The following HUWE1 variants were observed in gnomAD, a reference collection of about 807,000 sequenced individuals.
The protein encoded by HUWE1 is E3 ubiquitin-protein ligase HUWE1.
HUWE1 carries 18 observed loss-of-function variants against 299.4 expected under a neutral mutation model. The ratio of observed to expected loss-of-function variants is 0.06; its 90% CI spans 0.04 to 0.09. The LOEUF (loss-of-function observed/expected upper bound fraction) is 0.09, where lower values mean the gene tolerates loss of function less well. HUWE1 is among the 10% of genes least tolerant of loss of function. The probability of loss-of-function intolerance (pLI) is 1.00; values close to 1 mark genes in which losing one functional copy is unlikely to be tolerated. For synonymous variants in HUWE1, 1,317 were observed against 1,286.1 expected (o/e 1.02, Z -0.51); for missense variants, 1,832 against 3,462.3 (o/e 0.53, Z 11.82).
chrX:53,617,691 T>C (rs1203080132), intron 19 of HUWE1, among the ~76,000 whole-genome samples: 1 of 111,637 alleles, frequency 9.0e-6, no homozygotes, highest in Non-Finnish European at 1.9e-5. Flanking sequence ...CTGTTTTATA[T>C]ATTTTGCTTT....
At chrX:53,592,255 A>G in intron 33 of HUWE1, 143 bp downstream of exon 33, 2 of 510,007 alleles carry the variant, frequency 3.9e-6, no homozygotes, top group Non-Finnish European at 6.9e-6. Context: ...AAAAAAATAA[A>G]TACTAAGAGA....
At position 53,550,187 on chromosome X, in the gene HUWE1, T is replaced by C. The variant is rs182785957; in HGVS notation, c.9488+479A>G. Among the ~76,000 whole-genome samples, 30 of 111,673 alleles carry C rather than the reference T, an allele frequency of 2.7e-4. 1 individual carries two copies. The highest frequency in any genetic ancestry group is 8.5e-4 in the African/African-American group (26 of 30,751). On this transcript the variant is annotated intron_variant, in intron 66 of 83. Transcript: ENST00000262854. ...TCCATCGACTGGTAAAATCTGACCA[T>C]ACCTAAGTCTAGGAGACAATGCTAG... is the stretch of plus-strand genomic sequence containing the variant.
chrX:53,561,935 A>T lies in HUWE1; in HGVS notation c.7339-11T>A. ...ACCTTCATCATCCTCCTTAAGGGAA[A>T]ATAGGAGATGGAGAATTGCTGGAGG... On this transcript the variant is annotated splice_polypyrimidine_tract_variant and intron_variant, in intron 54 of 83. Transcript: ENST00000262854. The T allele has an allele frequency of 8.3e-7, 1 of 1,211,413 alleles. No individual in the cohort carries two copies. The highest frequency in any genetic ancestry group is 1.1e-6 in the Non-Finnish European group (1 of 895,349).
chrX:53,606,354 G>C (rs1391680344), intron 25 of HUWE1, among the ~76,000 whole-genome samples: 2 of 112,285 alleles, frequency 1.8e-5, no homozygotes, highest in East Asian at 5.5e-4. Context: ...ACAAGCACAT[G>C]AAAAGATGTT....
At chrX:53,649,063 C>T (rs2068281615) in intron 4 of HUWE1, among the ~76,000 whole-genome samples, 1 of 111,894 alleles carries the variant, frequency 8.9e-6, no homozygotes, top group Non-Finnish European at 1.9e-5. Context: ...TACACTTGTT[C>T]TTTAACTCCA....
chrX:53,673,966 T>C (rs2069684454), intron 3 of HUWE1, among the ~76,000 whole-genome samples: 1 of 111,537 alleles, frequency 9.0e-6, no homozygotes, highest in Non-Finnish European at 1.9e-5. Flanking sequence ...TGTACTCTCT[T>C]GCAACTTGCC....
At chrX:53,631,896 T>C (rs1224890153) in intron 9 of HUWE1, 2 of 367,139 alleles carry the variant, frequency 5.4e-6, no homozygotes, top group Non-Finnish European at 9.5e-6. Context: ...AACCCTCCAC[T>C]GACTTAATAT....
intron 49 of HUWE1, among the ~76,000 whole-genome samples, chrX:53,566,133 G>GTGTCTATATATA (rs782815282): frequency 2.6e-5 from 1 of 38,989 alleles, no homozygotes; most frequent in Non-Finnish European, 4.7e-5. Context: ...GTGTGTGTGT[G>GTGTCTATATATA]TATATATATA....
intron 38 of HUWE1, 98 bp downstream of exon 38, chrX:53,586,684 C>T: frequency 9.1e-7 from 1 of 1,102,921 alleles, no homozygotes; most frequent in Non-Finnish European, 1.2e-6. Context: ...ACAGAAGTAC[C>T]ACAAATTTGC....
chrX:53,540,193 C>G (rs1420085705), intron 74 of HUWE1, among the ~76,000 whole-genome samples: 1 of 112,007 alleles, frequency 8.9e-6, no homozygotes, highest in African/African-American at 3.2e-5. Context: ...CCAGTTTACA[C>G]AGGATGTTTT....
intron 71 of HUWE1, 63 bp from the exon 72 acceptor site, chrX:53,544,825 G>A (rs1329397627): frequency 2.0e-6 from 2 of 1,005,951 alleles, no homozygotes; most frequent in Non-Finnish European, 2.8e-6. Flanking sequence ...CCCAAAGCAA[G>A]CAAGGCTTCC....
At chrX:53,601,689 G>A (rs2148618192) in intron 28 of HUWE1, among the ~76,000 whole-genome samples, 1 of 103,819 alleles carries the variant, frequency 9.6e-6, no homozygotes, top group East Asian at 3.0e-4. Flanking sequence ...TTTTCCTGAG[G>A]CGGTGTTTCG....
At chrX:53,625,032 T>C (rs941575443) in intron 18 of HUWE1, 125 bp downstream of exon 18, 1 of 516,296 alleles carries the variant, frequency 1.9e-6, no homozygotes. Context: ...CTAAAAGCTA[T>C]TGAAAATGGC....
At chrX:53,639,927 GGTTAATATTT>G (rs1344033107) in intron 7 of HUWE1, among the ~76,000 whole-genome samples, 1 of 112,485 alleles carries the variant, frequency 8.9e-6, no homozygotes, top group Non-Finnish European at 1.9e-5. Flanking sequence ...CACAGAAACA[GGTTAATATTT>G]GTTGGCAAAA....
intron 5 of HUWE1, 94 bp downstream of exon 5, chrX:53,648,118 C>T (rs1455923685): frequency 1.2e-5 from 7 of 586,540 alleles, no homozygotes; most frequent in Admixed American, 2.4e-5. Context: ...CTGAATGAGG[C>T]TATCCCATTG....
At chrX:53,668,034 T>A (rs945006458) in intron 3 of HUWE1, among the ~76,000 whole-genome samples, 2 of 111,304 alleles carry the variant, frequency 1.8e-5, no homozygotes, top group African/African-American at 6.5e-5. Flanking sequence ...TACTGTCAAA[T>A]ACAATAAAGA....
intron 12 of HUWE1, among the ~76,000 whole-genome samples, chrX:53,630,305 C>T (rs1356336752): frequency 8.9e-6 from 1 of 111,925 alleles, no homozygotes; most frequent in East Asian, 2.8e-4. Context: ...TCAATAATAA[C>T]AGCAATGGTT....
chrX:53,572,163 T>G (rs1556952210), intron 47 of HUWE1, among the ~76,000 whole-genome samples: 9 of 111,636 alleles, frequency 8.1e-5, no homozygotes, highest in Non-Finnish European at 5.6e-5. Flanking sequence ...ATGAATCAAG[T>G]ATGTTAAGCA....
chrX:53,568,993 A>G, intron 48 of HUWE1, 119 bp from the exon 49 acceptor site: 3 of 586,414 alleles, frequency 5.1e-6, no homozygotes, highest in Non-Finnish European at 8.3e-6. Flanking sequence ...TGGAAATAAC[A>G]TCTAAACAAA....
Sources: gnomAD v4.1 joint callset for allele counts (sites outside exome capture counted in the v4.1 genomes callset) on GRCh38, gnomAD v4.1.1 for gene constraint, MANE v1.5 for transcripts, NCBI Gene and HGNC (gene_info 2026-07-23, HGNC 2026-07-21) for gene names.